Variants in RPTOR observed in about 807,000 individuals in gnomAD.
RPTOR encodes the protein regulatory-associated protein of mTOR.
A neutral mutation model predicts 169.9 loss-of-function variants in RPTOR; 21 were observed. The ratio of observed to expected loss-of-function variants is 0.12; its 90% CI spans 0.09 to 0.18. The LOEUF (loss-of-function observed/expected upper bound fraction) is 0.18. RPTOR is among the 10% of genes least tolerant of loss of function. RPTOR has a pLI of 1.00. For synonymous variants in RPTOR, 732 were observed against 753.2 expected, an observed-to-expected ratio of 0.97 and a Z score of 0.46; for missense variants, 1,133 against 1,855.9, an observed-to-expected ratio of 0.61 and a Z score of 7.16.
chr17:80,793,633 G>C (rs1173230677), intron 7 of RPTOR, among the ~76,000 whole-genome samples: 1 of 152,048 alleles, frequency 6.6e-6, no homozygotes, highest in African/African-American at 2.4e-5. Flanking sequence ...CTGGTCACCT[G>C]TGTCTGTGGC....
chr17:80,847,311 G>T lies in RPTOR; in HGVS notation c.1314+737G>T, dbSNP rs2067742791. On this transcript the variant is annotated intron_variant, in intron 11 of 33. Transcript: ENST00000306801. Reference sequence around the variant, plus strand: ...TCGTGGGTCCTGCTGGCTGGTTTTTGGTCACTGAGATAGGATGGGAGGCCA... The same window carrying T: ...TCGTGGGTCCTGCTGGCTGGTTTTTTGTCACTGAGATAGGATGGGAGGCCA... 2.0e-5 allele frequency among the ~76,000 whole-genome samples: 3 copies of T among 152,224 alleles called. No individual in the cohort carries two copies. In the South Asian group the frequency reaches 6.2e-4, roughly 32 times the overall value.
At chr17:80,756,633 G>A (rs1275044046) in intron 6 of RPTOR, among the ~76,000 whole-genome samples, 1 of 152,148 alleles carries the variant, frequency 6.6e-6, no homozygotes, top group Non-Finnish European at 1.5e-5. Flanking sequence ...CAAAAATTAG[G>A]TGAGCGCTCA....
intron 19 of RPTOR, among the ~76,000 whole-genome samples, 197 bp from the exon 20 acceptor site, chr17:80,893,510 T>G (rs2068359133): frequency 7.1e-6 from 1 of 141,232 alleles, no homozygotes; most frequent in Admixed American, 7.1e-5. Flanking sequence ...TGTGTGTGTA[T>G]GAGGGTGTGT....
chr17:80,856,041 G>C (rs2067848906), intron 12 of RPTOR, among the ~76,000 whole-genome samples: 1 of 152,182 alleles, frequency 6.6e-6, no homozygotes, highest in Non-Finnish European at 1.5e-5. Flanking sequence ...CCCTGGCAGA[G>C]GCAGGATCAA....
At chr17:80,768,555 C>T (rs1197545623) in intron 6 of RPTOR, among the ~76,000 whole-genome samples, 1 of 151,968 alleles carries the variant, frequency 6.6e-6, no homozygotes, top group African/African-American at 2.4e-5. Flanking sequence ...AAAGAGTGCT[C>T]AGCCCCGGCC....
intron 21 of RPTOR, among the ~76,000 whole-genome samples, chr17:80,916,398 C>A (rs550418558): frequency 6.6e-6 from 1 of 152,366 alleles, no homozygotes; most frequent in South Asian, 2.1e-4. Context: ...ATGCCAGTGC[C>A]TAGAGCTGCC....
intron 2 of RPTOR, among the ~76,000 whole-genome samples, chr17:80,631,958 T>G (rs1199554852): frequency 6.6e-6 from 1 of 152,168 alleles, no homozygotes; most frequent in Admixed American, 6.5e-5. Flanking sequence ...CAAATTCTTC[T>G]CATCTAAATC....
Position 80,646,565 on chromosome 17 carries a change from G to A in RPTOR, c.348+2755G>A, listed in dbSNP as rs552187595. Among the ~76,000 whole-genome samples, 58 of 152,226 alleles carry A rather than the reference G, an allele frequency of 3.8e-4. No homozygotes were observed. The highest frequency in any genetic ancestry group is 3.5e-3 in the Admixed American group (53 of 15,284). On this transcript the variant is annotated intron_variant, in intron 3 of 33. Transcript: ENST00000306801. This position sits in a 1 kb window ranked among gnomAD's most constrained non-coding sequence, Gnocchi z 5.0. ...CAAACTCAGATGTTTGTGTGCAAGG[G>A]GCCTGGTTCCTGACTGTAAATCAGG...
At chr17:80,913,968 G>A (rs956633579) in intron 21 of RPTOR, among the ~76,000 whole-genome samples, 2 of 152,232 alleles carry the variant, frequency 1.3e-5, no homozygotes, top group African/African-American at 4.8e-5. Context: ...AAACGTGTGA[G>A]CATAAATGCA....
intron 2 of RPTOR, among the ~76,000 whole-genome samples, chr17:80,629,086 T>G (rs1567827493): frequency 7.2e-6 from 1 of 138,882 alleles, no homozygotes; most frequent in African/African-American, 2.7e-5. Flanking sequence ...CCGCAGCTCT[T>G]TTGTGTGTCT....
At chr17:80,702,660 T>C (rs1036731045) in intron 3 of RPTOR, among the ~76,000 whole-genome samples, 16 of 152,250 alleles carry the variant, frequency 1.1e-4, no homozygotes, top group Non-Finnish European at 1.8e-4. Context: ...ATGTGCCTTC[T>C]CTACGCAATA....
At position 80,887,783 on chromosome 17, in the gene RPTOR, G is replaced by A. The variant is rs893870208; in HGVS notation, c.1983+2635G>A. ...GTCCTCTCCTGTGTGGGGTGATAAC[G>A]ATGGCCGAGTAGGTTTTGTTTGTTG... On this transcript the variant is annotated intron_variant, in intron 17 of 33. Transcript: ENST00000306801. 7.2e-5 allele frequency among the ~76,000 whole-genome samples: 11 copies of A among 152,338 alleles called. No individual in the cohort carries two copies. In the East Asian group the frequency reaches 1.3e-3, roughly 19 times the overall value.
chr17:80,579,217 G>C (rs2064993045), intron 1 of RPTOR, among the ~76,000 whole-genome samples: 1 of 151,960 alleles, frequency 6.6e-6, no homozygotes, highest in South Asian at 2.1e-4. Context: ...TTTTGAGATG[G>C]AGTTTCGCTC....
chr17:80,798,808 G>T (rs545674402), intron 7 of RPTOR, among the ~76,000 whole-genome samples: 2 of 152,334 alleles, frequency 1.3e-5, no homozygotes, highest in South Asian at 2.1e-4. Context: ...ATAGTTGAGA[G>T]ATTTTAATAA....
In RPTOR at chr17:80,887,591, G is replaced by T. The variant is rs192816188; in HGVS notation, c.1983+2443G>T. On this transcript the variant is annotated intron_variant, in intron 17 of 33. Coordinates refer to ENST00000306801, the MANE Select transcript of RPTOR (RefSeq NM_020761.3). ...TCTTCTCAAGGACCATCCTGAGCCC[G>T]TCCTGAGCCTGCTGTGGGGCTGGGG... 9.5e-4 allele frequency among the ~76,000 whole-genome samples: 144 copies of T among 152,310 alleles called. 2 individuals carry two copies. Among genetic ancestry groups the T allele is most frequent in the African/African-American group, 3.2e-3 (133 of 41,568 alleles).
At chr17:80,610,213 G>A (rs1423655897) in intron 1 of RPTOR, among the ~76,000 whole-genome samples, 1 of 151,168 alleles carries the variant, frequency 6.6e-6, no homozygotes, top group Non-Finnish European at 1.5e-5. Context: ...CCTTGCATTT[G>A]TTCATCTTTA....
intron 7 of RPTOR, among the ~76,000 whole-genome samples, chr17:80,792,531 C>T (rs1375582595): frequency 6.6e-6 from 1 of 152,170 alleles, no homozygotes; most frequent in Non-Finnish European, 1.5e-5. Flanking sequence ...AGTGGTCTAC[C>T]AGATGTGCTA....
intron 6 of RPTOR, among the ~76,000 whole-genome samples, chr17:80,780,872 T>A (rs1031709100): frequency 6.6e-6 from 1 of 152,220 alleles, no homozygotes; most frequent in African/African-American, 2.4e-5. Flanking sequence ...ATTTCCCTAA[T>A]TGAGTTTGAG....
chr17:80,893,253 G>GGT (rs2068349468), intron 19 of RPTOR, among the ~76,000 whole-genome samples: 2 of 151,134 alleles, frequency 1.3e-5, no homozygotes, highest in African/African-American at 4.9e-5. Context: ...TGTGTGCCAG[G>GGT]GTGTGTGCGC....
Sources: allele counts gnomAD v4.1 joint callset (sites outside exome capture counted in the v4.1 genomes callset), GRCh38; gene constraint gnomAD v4.1.1; non-coding constraint Gnocchi (gnomAD v3.1); transcripts MANE v1.5; gene names NCBI Gene and HGNC (gene_info 2026-07-23, HGNC 2026-07-21).